ARSB: variants seen among roughly 807,000 people sequenced by gnomAD.
The protein encoded by ARSB is arylsulfatase B, also known as N-acetylgalactosamine-4-sulfatase.
A neutral mutation model predicts 50.9 loss-of-function variants in ARSB; 41 were observed. The observed-to-expected ratio is 0.81, with a 90% CI of 0.63 to 1.04. The LOEUF is 1.04. Among genes scored for constraint, ARSB ranks in the 50% least tolerant of loss-of-function variants. The pLI is 0.00. For synonymous variants in ARSB, 269 were observed against 284.8 expected (o/e 0.94, Z 0.56); for missense variants, 672 against 693.3 (o/e 0.97, Z 0.35).
intron 4 of ARSB, among the ~76,000 whole-genome samples, chr5:78,939,750 A>C (rs996274965): frequency 5.3e-5 from 8 of 152,150 alleles, no homozygotes; most frequent in East Asian, 1.9e-4. Flanking sequence ...ATACATGTGC[A>C]TGTGTCTTTA....
Position 78,985,127 on chromosome 5 carries a change from GC to G in ARSB, c.121del (p.Ala41ProfsTer15). 5 of 1,478,310 alleles carry G rather than the reference GC, an allele frequency of 3.4e-6. No individual in the cohort carries two copies. Among genetic ancestry groups the G allele is most frequent in the East Asian group, 2.8e-5 (1 of 35,542 alleles). The allele number at this position is 1,478,310 out of a possible 1,614,324, so 91.6% of individuals were successfully genotyped here. On this transcript the variant is annotated frameshift_variant, in exon 1 of 8. Coordinates refer to ENST00000264914, the MANE Select transcript of ARSB (RefSeq NM_000046.5). LOFTEE classifies it high-confidence loss of function. ...GAAGACCAGGTGGGGCGGCCGGCTGGCCCCGGCGCCCGAGCCCGGCGGCGCC... is the reference window on the plus strand; with the variant it reads ...GAAGACCAGGTGGGGCGGCCGGCTGGCCCGGCGCCCGAGCCCGGCGGCGCC... ...LLAPPGSGAG[A>X]SRPPHLVFLL...
intron 6 of ARSB, among the ~76,000 whole-genome samples, chr5:78,793,377 C>T (rs1003542124): frequency 2.0e-5 from 3 of 152,214 alleles, no homozygotes; most frequent in Admixed American, 6.5e-5. Flanking sequence ...TTTCCCACCT[C>T]CACACTTACC....
chr5:78,862,593 A>T (rs1469119763), intron 5 of ARSB, among the ~76,000 whole-genome samples: 2 of 152,218 alleles, frequency 1.3e-5, no homozygotes, highest in African/African-American at 2.4e-5. Flanking sequence ...CTTATACAAA[A>T]ATTAATTCAA....
At chr5:78,797,314 T>A (rs1228186267) in intron 6 of ARSB, among the ~76,000 whole-genome samples, 2 of 152,228 alleles carry the variant, frequency 1.3e-5, no homozygotes, top group Non-Finnish European at 2.9e-5. Flanking sequence ...TCACTGTTCA[T>A]CTCTTCAATG....
chr5:78,971,230 T>C (rs1752441336), intron 1 of ARSB, among the ~76,000 whole-genome samples: 1 of 152,162 alleles, frequency 6.6e-6, no homozygotes, highest in South Asian at 2.1e-4. Context: ...TCCCTCCTTG[T>C]CTACCCAGTC....
chr5:78,831,689 G>A (rs746164303), intron 6 of ARSB, among the ~76,000 whole-genome samples: 9 of 152,108 alleles, frequency 5.9e-5, no homozygotes. Context: ...ATGACCTGGT[G>A]CCTCAGTTTC....
chr5:78,866,682 A>G (rs1215891663), intron 5 of ARSB, among the ~76,000 whole-genome samples: 1 of 152,218 alleles, frequency 6.6e-6, no homozygotes, highest in Non-Finnish European at 1.5e-5. Flanking sequence ...AGAGAGGAGC[A>G]GCTGAAGAAC....
At chr5:78,985,539 T>A (rs1580171587), upstream of ARSB, 1 of 243,928 alleles carries the variant, frequency 4.1e-6, no homozygotes, top group Non-Finnish European at 7.8e-6. Context: ...CCCCGGCAAT[T>A]AAATTTGCAC....
chr5:78,934,187 C>T (rs549050669), intron 4 of ARSB, among the ~76,000 whole-genome samples: 1 of 152,308 alleles, frequency 6.6e-6, no homozygotes, highest in East Asian at 1.9e-4. Context: ...CATCCTGGAA[C>T]ATCAATAATG....
chr5:78,790,568 GATA>G (rs1227428711), intron 6 of ARSB, among the ~76,000 whole-genome samples: 1 of 152,060 alleles, frequency 6.6e-6, no homozygotes, highest in Admixed American at 6.6e-5. Context: ...CAACATTAAA[GATA>G]ATAATATCTA....
At chr5:78,821,659 G>C (rs1744228863) in intron 6 of ARSB, among the ~76,000 whole-genome samples, 1 of 152,216 alleles carries the variant, frequency 6.6e-6, no homozygotes, top group South Asian at 2.1e-4. Flanking sequence ...TTACAATTTT[G>C]TATAAAGCAC....
At chr5:78,865,512 C>A (rs1361651795) in intron 5 of ARSB, among the ~76,000 whole-genome samples, 1 of 152,200 alleles carries the variant, frequency 6.6e-6, no homozygotes, top group Non-Finnish European at 1.5e-5. Context: ...CCATGAAGAC[C>A]TCTGACACGC....
chr5:78,893,715 G>A (rs558597886), intron 4 of ARSB, among the ~76,000 whole-genome samples: 1 of 152,290 alleles, frequency 6.6e-6, no homozygotes, highest in Admixed American at 6.5e-5. Context: ...AAAGTTGTAA[G>A]GTAAGCACAA....
intron 3 of ARSB, among the ~76,000 whole-genome samples, chr5:78,962,698 T>C (rs1421203313): frequency 6.6e-6 from 1 of 152,094 alleles, no homozygotes; most frequent in Non-Finnish European, 1.5e-5. Context: ...GGCTAATTTT[T>C]TTTGTATTTT....
chr5:78,787,711 G>C (rs1489761486), intron 6 of ARSB, among the ~76,000 whole-genome samples: 1 of 152,186 alleles, frequency 6.6e-6, no homozygotes, highest in Admixed American at 6.5e-5. Context: ...TGGCAGAATA[G>C]AGATGTTCAG....
chr5:78,979,308 A>G (rs563841594), intron 1 of ARSB, among the ~76,000 whole-genome samples: 1 of 152,370 alleles, frequency 6.6e-6, no homozygotes, highest in South Asian at 2.1e-4. Flanking sequence ...CACTAGGATG[A>G]CTTGAAGGCT....
intron 5 of ARSB, among the ~76,000 whole-genome samples, chr5:78,861,487 T>C (rs1746435376): frequency 6.6e-6 from 1 of 152,100 alleles, no homozygotes; most frequent in Admixed American, 6.6e-5. Context: ...TAATCCATCA[T>C]ATAAACAGAA....
At chr5:78,844,071 G>C (rs1252166568) in intron 5 of ARSB, among the ~76,000 whole-genome samples, 1 of 152,088 alleles carries the variant, frequency 6.6e-6, no homozygotes, top group Non-Finnish European at 1.5e-5. Flanking sequence ...TCTATAACTA[G>C]GAGTGGAATT....
At chr5:78,803,065 T>G (rs982815887) in intron 6 of ARSB, among the ~76,000 whole-genome samples, 5 of 152,162 alleles carry the variant, frequency 3.3e-5, no homozygotes, top group Admixed American at 2.6e-4. Context: ...AGGTCATTAT[T>G]TGGTTGTGTT....
Sources: allele counts gnomAD v4.1 joint callset (sites outside exome capture counted in the v4.1 genomes callset), GRCh38; gene constraint gnomAD v4.1.1; transcripts MANE v1.5; gene names NCBI Gene and HGNC (gene_info 2026-07-23, HGNC 2026-07-21).